The following ADGRB3 variants were observed in gnomAD, a reference collection of about 807,000 sequenced individuals.
The protein encoded by ADGRB3 is brain-specific angiogenesis inhibitor 3.
Under a neutral mutation model 193.4 loss-of-function variants are expected in ADGRB3, and 37 were observed. The ratio of observed to expected loss-of-function variants is 0.19; its 90% CI spans 0.15 to 0.25. The LOEUF is 0.25. Ranked by LOEUF, ADGRB3 falls within the 10% of genes least tolerant of loss-of-function variation. The pLI, the probability that ADGRB3 is intolerant of heterozygous loss-of-function variation, is 1.00. For missense variants in ADGRB3, 1,637 were observed against 1,852.9 expected (o/e 0.88, Z 2.14); for synonymous variants, 690 against 644.2 (o/e 1.07, Z -1.08).
intron 3 of ADGRB3, among the ~76,000 whole-genome samples, chr6:68,757,917 T>G (rs1264232433): frequency 6.6e-6 from 1 of 152,072 alleles, no homozygotes; most frequent in African/African-American, 2.4e-5. Context: ...TTTATATTAC[T>G]TATTGCTTGA....
At chr6:69,307,118 A>G (rs2127298871) in intron 20 of ADGRB3, among the ~76,000 whole-genome samples, 1 of 151,204 alleles carries the variant, frequency 6.6e-6, no homozygotes, top group South Asian at 2.1e-4. Flanking sequence ...AATTATGCTT[A>G]TATTCTAGTT....
intron 20 of ADGRB3, among the ~76,000 whole-genome samples, chr6:69,323,472 A>G (rs1768505352): frequency 6.6e-6 from 1 of 152,074 alleles, no homozygotes; most frequent in Admixed American, 6.6e-5. Flanking sequence ...ACCTGAGACT[A>G]GAGTATAGGT....
At chr6:69,040,933 A>G (rs1321707684) in intron 13 of ADGRB3, among the ~76,000 whole-genome samples, 1 of 152,174 alleles carries the variant, frequency 6.6e-6, no homozygotes, top group African/African-American at 2.4e-5. Context: ...CTTTCTCTTT[A>G]AAAATTAAGT....
chr6:69,139,800 C>G (rs1774273343), intron 17 of ADGRB3, among the ~76,000 whole-genome samples: 1 of 152,202 alleles, frequency 6.6e-6, no homozygotes, highest in South Asian at 2.1e-4. Context: ...TTAACCACAA[C>G]TAGTGTATCC....
At chr6:69,051,817 A>G (rs1257220768) in intron 15 of ADGRB3, among the ~76,000 whole-genome samples, 1 of 152,228 alleles carries the variant, frequency 6.6e-6, no homozygotes, top group Non-Finnish European at 1.5e-5. Context: ...TACTGTATTA[A>G]TTCTTTTAAA....
chr6:69,210,153 T>TATATATATATATATATATATATC (rs1194112354), intron 17 of ADGRB3, among the ~76,000 whole-genome samples: 23 of 115,756 alleles, frequency 2.0e-4, no homozygotes, highest in Non-Finnish European at 3.3e-4. Context: ...ATATATCATA[T>TATATATATATATATATATATATC]ATATATATAT....
chr6:68,774,836 G>A (rs1418801032), intron 3 of ADGRB3, among the ~76,000 whole-genome samples: 6 of 151,720 alleles, frequency 4.0e-5, no homozygotes, highest in Non-Finnish European at 8.8e-5. Context: ...GTCTATCACA[G>A]AAATAAACAC....
chr6:69,295,719 G>A (rs1228696010), intron 20 of ADGRB3, among the ~76,000 whole-genome samples: 2 of 152,174 alleles, frequency 1.3e-5, no homozygotes, highest in Non-Finnish European at 2.9e-5. Flanking sequence ...CACCTGTGCT[G>A]TTAAAGATGT....
chr6:69,031,019 T>TCC lies in ADGRB3; in HGVS notation c.2107+12520_2107+12521insCC, dbSNP rs1562128732. Among the ~76,000 whole-genome samples the TCC allele has an allele frequency of 8.3e-5, 8 of 95,876 alleles. 1 individual carries two copies. The highest frequency in any genetic ancestry group is 2.7e-4 in the African/African-American group (6 of 22,034). The allele number at this position is 95,876 out of a possible 152,430, so 62.9% of individuals were successfully genotyped here. On this transcript the variant is annotated intron_variant, in intron 13 of 31. Coordinates refer to ENST00000370598, the MANE Select transcript of ADGRB3 (RefSeq NM_001704.3). ...TCTTTTCCTTTCTTTTCTTTTCTTT[T>TCC]TTTTTTCCTCTTCTCTTCTCTCTTC...
At chr6:68,863,689 T>A (rs187913261) in intron 3 of ADGRB3, among the ~76,000 whole-genome samples, 87 of 152,284 alleles carry the variant, frequency 5.7e-4, no homozygotes, top group African/African-American at 2.0e-3. Flanking sequence ...TCTCAGCTTT[T>A]AGACTACTTA....
At chr6:68,987,012 G>A (rs1223245234) in intron 10 of ADGRB3, among the ~76,000 whole-genome samples, 1 of 151,990 alleles carries the variant, frequency 6.6e-6, no homozygotes. Context: ...GAACTCTGAA[G>A]AGCAACTATT....
At chr6:69,235,891 T>C (rs1766252786) in intron 19 of ADGRB3, among the ~76,000 whole-genome samples, 1 of 151,922 alleles carries the variant, frequency 6.6e-6, no homozygotes, top group African/African-American at 2.4e-5. Flanking sequence ...AAGTACTGGA[T>C]TTTTCTAGTG....
At chr6:68,732,801 C>G (rs562313293) in intron 3 of ADGRB3, among the ~76,000 whole-genome samples, 3 of 151,840 alleles carry the variant, frequency 2.0e-5, no homozygotes, top group African/African-American at 7.3e-5. Context: ...TAAAGGCACT[C>G]GGGTACTTTT....
intron 11 of ADGRB3, among the ~76,000 whole-genome samples, chr6:68,997,600 C>T (rs1184912860): frequency 6.6e-6 from 1 of 151,170 alleles, no homozygotes; most frequent in Non-Finnish European, 1.5e-5. Flanking sequence ...TCTCAGTGAG[C>T]TGAGATCACA....
At chr6:68,960,065 T>C (rs1221880488) in intron 8 of ADGRB3, among the ~76,000 whole-genome samples, 2 of 152,206 alleles carry the variant, frequency 1.3e-5, no homozygotes, top group Admixed American at 1.3e-4. Context: ...GTCCTAAGTT[T>C]ACATTCTAGC....
In ADGRB3 at chr6:69,388,848, T is replaced by C; in HGVS notation, c.4526T>C (p.Leu1509Ser). 3 of 1,613,268 alleles carry C rather than the reference T, an allele frequency of 1.9e-6. No homozygotes were observed. The highest frequency in any genetic ancestry group is 2.5e-6 in the Non-Finnish European group (3 of 1,179,544). ...RPAEWEKCLN[L>S]PLDVQEGDFQ... is the part of the protein sequence containing the mutation. ...GCAGAGTGGGAGAAGTGTCTGAATT[T>C]GCCTCTGGATGTGCAAGAGGGTGAC... The change falls in exon 32 of 32, where the codon TTG becomes TCG. Residue 1509 changes from leucine to serine, a missense_variant. Coordinates refer to ENST00000370598, the MANE Select transcript of ADGRB3 (RefSeq NM_001704.3).
chr6:68,648,063 A>G (rs913338127), intron 3 of ADGRB3, among the ~76,000 whole-genome samples: 19 of 152,208 alleles, frequency 1.2e-4, no homozygotes, highest in Non-Finnish European at 2.8e-4. Context: ...ACATTCAATT[A>G]TCTTTCAACT....
At chr6:69,020,817 G>A (rs1462384879) in intron 13 of ADGRB3, among the ~76,000 whole-genome samples, 1 of 151,878 alleles carries the variant, frequency 6.6e-6, no homozygotes, top group African/African-American at 2.4e-5. Context: ...TAGAACTGAG[G>A]GTTATGCGCC....
At chr6:68,645,695 G>A (rs1010852538) in intron 3 of ADGRB3, among the ~76,000 whole-genome samples, 1 of 151,910 alleles carries the variant, frequency 6.6e-6, no homozygotes, top group Non-Finnish European at 1.5e-5. Context: ...TTTTTGAGAC[G>A]GAGTTGCATT....
Sources: gnomAD v4.1 joint callset for allele counts (sites outside exome capture counted in the v4.1 genomes callset) on GRCh38, gnomAD v4.1.1 for gene constraint, MANE v1.5 for transcripts, NCBI Gene and HGNC (gene_info 2026-07-23, HGNC 2026-07-21) for gene names.